The following EYS variants were observed in gnomAD, a reference collection of about 807,000 sequenced individuals.
The protein encoded by EYS is protein eyes shut homolog.
EYS carries 250 observed loss-of-function variants against 282.1 expected under a neutral mutation model. The ratio of observed to expected loss-of-function variants is 0.89; its 90% CI spans 0.80 to 0.98. EYS has a LOEUF of 0.98. Ranked by LOEUF, EYS falls within the 50% of genes least tolerant of loss-of-function variation. The pLI is 0.00. For missense variants in EYS, 4,016 were observed against 3,709.0 expected, an observed-to-expected ratio of 1.08 and a Z score of -2.15; for synonymous variants, 1,355 against 1,282.9, an observed-to-expected ratio of 1.06 and a Z score of -1.20.
At chr6:65,662,296 T>C (rs1768034240) in intron 1 of EYS, among the ~76,000 whole-genome samples, 1 of 152,148 alleles carries the variant, frequency 6.6e-6, no homozygotes. Context: ...AAGGTCACTG[T>C]GGCTTAATGA....
At chr6:63,984,303 G>C in intron 35 of EYS, 80 bp downstream of exon 35, 1 of 1,004,388 alleles carries the variant, frequency 1.0e-6, no homozygotes, top group South Asian at 1.4e-5. Context: ...GTCTCTCAGA[G>C]GACAATACTG....
intron 31 of EYS, among the ~76,000 whole-genome samples, chr6:64,199,451 G>A (rs1476898733): frequency 6.6e-6 from 1 of 152,166 alleles, no homozygotes; most frequent in Non-Finnish European, 1.5e-5. Flanking sequence ...AGACTTAAAT[G>A]TAAGACCTAA....
intron 24 of EYS, among the ~76,000 whole-genome samples, chr6:64,617,060 C>T (rs1562094188): frequency 6.6e-6 from 1 of 152,092 alleles, no homozygotes; most frequent in Non-Finnish European, 1.5e-5. Context: ...AGTACTATGT[C>T]CTTGGGCAAA....
intron 36 of EYS, among the ~76,000 whole-genome samples, chr6:63,852,171 A>AT (rs1772274392): frequency 6.7e-6 from 1 of 150,254 alleles, no homozygotes; most frequent in African/African-American, 2.4e-5. Context: ...AAAAAAAAAA[A>AT]AAAAAAAAAA....
chr6:63,807,445 C>T (rs565579502), intron 36 of EYS, among the ~76,000 whole-genome samples: 2 of 152,250 alleles, frequency 1.3e-5, no homozygotes, highest in South Asian at 4.1e-4. Context: ...ATTGTGTATA[C>T]AGCAAATAAT....
In EYS at chr6:64,279,227, G is replaced by T. The variant is rs184767510; in HGVS notation, c.6191+27743C>A. Among the ~76,000 whole-genome samples, 3 of 152,240 alleles carry T rather than the reference G, an allele frequency of 2.0e-5. No homozygotes were observed. In the East Asian group the frequency reaches 5.8e-4, roughly 29 times the overall value. On this transcript the variant is annotated intron_variant, in intron 30 of 42. Transcript: ENST00000503581. ...AGTAAAAGAAACATTAATAACTTGAGATGATTTTATGAAAAAGCCTGCTGT... is the reference window on the plus strand; with the variant it reads ...AGTAAAAGAAACATTAATAACTTGATATGATTTTATGAAAAAGCCTGCTGT...
chr6:65,670,521 T>C (rs1056552114), intron 1 of EYS, among the ~76,000 whole-genome samples: 7 of 152,086 alleles, frequency 4.6e-5, no homozygotes, highest in Non-Finnish European at 1.0e-4. Flanking sequence ...ATGCCTATGA[T>C]CTTTATGGAG....
chr6:64,554,637 A>T (rs979597100), intron 26 of EYS, among the ~76,000 whole-genome samples: 1 of 152,024 alleles, frequency 6.6e-6, no homozygotes, highest in Non-Finnish European at 1.5e-5. Flanking sequence ...TATTTTCAAT[A>T]AGGGATTGTT....
chr6:64,379,422 G>T (rs546978624), intron 29 of EYS, among the ~76,000 whole-genome samples: 2 of 152,128 alleles, frequency 1.3e-5, no homozygotes, highest in South Asian at 4.2e-4. Context: ...CTAACCACTT[G>T]CAAGGGAATA....
chr6:65,294,396 G>A (rs911874593), intron 12 of EYS, among the ~76,000 whole-genome samples: 2 of 151,950 alleles, frequency 1.3e-5, no homozygotes, highest in African/African-American at 4.8e-5. Flanking sequence ...ATATGGGCCT[G>A]TGAAGCTTGT....
At chr6:65,319,221 A>C (rs1328228407) in intron 11 of EYS, among the ~76,000 whole-genome samples, 1 of 147,602 alleles carries the variant, frequency 6.8e-6, no homozygotes, top group Admixed American at 6.7e-5. Flanking sequence ...AAAAAAAAAA[A>C]AAAAAACAAT....
intron 30 of EYS, among the ~76,000 whole-genome samples, chr6:64,260,931 T>C (rs533798469): frequency 1.3e-5 from 2 of 152,138 alleles, no homozygotes; most frequent in Admixed American, 6.6e-5. Context: ...ATTTATGGGG[T>C]ACATGTGATG....
At chr6:64,017,367 G>A (rs557325341) in intron 33 of EYS, among the ~76,000 whole-genome samples, 180 of 152,142 alleles carry the variant, frequency 1.2e-3, no homozygotes, top group Non-Finnish European at 2.0e-3. Flanking sequence ...AGATCTGTGG[G>A]TACTGAAGAT....
chr6:65,272,697 T>C (rs1272960402), intron 12 of EYS, among the ~76,000 whole-genome samples: 1 of 152,186 alleles, frequency 6.6e-6, no homozygotes, highest in African/African-American at 2.4e-5. Flanking sequence ...TATATATAAA[T>C]GTCATTCTTA....
chr6:65,261,006 A>C (rs1767605589), intron 12 of EYS, among the ~76,000 whole-genome samples: 1 of 152,088 alleles, frequency 6.6e-6, no homozygotes, highest in Non-Finnish European at 1.5e-5. Context: ...TCTCAGAGTT[A>C]CTAAGTACTA....
chr6:63,968,777 C>T (rs1271909955), intron 35 of EYS, among the ~76,000 whole-genome samples: 2 of 152,172 alleles, frequency 1.3e-5, no homozygotes, highest in Admixed American at 1.3e-4. Context: ...TGATGATGTT[C>T]ACCACTATTA....
intron 10 of EYS, among the ~76,000 whole-genome samples, chr6:65,339,033 G>C (rs1314358181): frequency 1.3e-5 from 2 of 151,184 alleles, no homozygotes; most frequent in African/African-American, 4.8e-5. Context: ...AAAGGACTCT[G>C]TGGGAAAAAA....
intron 31 of EYS, among the ~76,000 whole-genome samples, chr6:64,157,162 C>CGG (rs1774955382): frequency 6.7e-6 from 1 of 149,946 alleles, no homozygotes; most frequent in Non-Finnish European, 1.5e-5. Flanking sequence ...TTTGTTCTTG[C>CGG]GATAGTTTAC....
chr6:65,349,930 C>T (rs1227361299), intron 9 of EYS, among the ~76,000 whole-genome samples: 1 of 151,360 alleles, frequency 6.6e-6, no homozygotes, highest in African/African-American at 2.4e-5. Context: ...TAATTTTAGT[C>T]CAATGCATTT....
Sources: allele counts gnomAD v4.1 joint callset (sites outside exome capture counted in the v4.1 genomes callset), GRCh38; gene constraint gnomAD v4.1.1; transcripts MANE v1.5; gene names NCBI Gene and HGNC (gene_info 2026-07-23, HGNC 2026-07-21).